The following CEP295NL variants were observed in gnomAD, a reference collection of about 807,000 sequenced individuals.
CEP295NL encodes the protein CEP295 N-terminal like.
Under a neutral mutation model 4.6 loss-of-function variants are expected in CEP295NL, and 3 were observed. The observed-to-expected ratio is 0.65, with a 90% confidence interval of 0.30 to 1.69. The LOEUF (loss-of-function observed/expected upper bound fraction) is 1.69, where lower values mean the gene tolerates loss of function less well. Ranked by LOEUF, CEP295NL falls within the 40% of genes most tolerant of loss-of-function variation. CEP295NL has a pLI of 0.10. For synonymous variants in CEP295NL, 295 were observed against 312.2 expected, an observed-to-expected ratio of 0.94 and a Z score of 0.58; for missense variants, 719 against 769.0, an observed-to-expected ratio of 0.93 and a Z score of 0.77.
Position 78,896,871 on chromosome 17 carries a change from C to A in CEP295NL, c.45-4412G>T, listed in dbSNP as rs1173480259. 1 of 972,372 alleles carries A rather than the reference C, an allele frequency of 1.0e-6. No homozygotes were observed. Among genetic ancestry groups the A allele is most frequent in the East Asian group, 1.1e-4 (1 of 8,738 alleles). The allele number at this position is 972,372 out of a possible 1,614,324, so 60.2% of individuals were successfully genotyped here. A position where few individuals can be genotyped will look rare whatever the true frequency, so the allele number is the denominator to read the frequency against. ...GAGCCAGCCCATGGCAGCTCCACCC[C>A]AGACCGATCCGATCCCAGCACCTGG... On this transcript the variant is annotated intron_variant, in intron 2 of 2. Coordinates refer to ENST00000322630, the MANE Select transcript of CEP295NL (RefSeq NM_001243540.2). This position sits in a 1 kb window ranked among gnomAD's most constrained non-coding sequence, Gnocchi z 4.4.
In CEP295NL at chr17:78,891,115, T is replaced by C. The variant is rs920743813; in HGVS notation, c.1389A>G (p.Ser463=). ...EAGIFINKED[S]LLYSTESGQE... is the part of the protein sequence containing the mutation. ...GTCCAGATTCAGTGCTATACAATAA[T>C]GAGTCCTCTTTGTTGATAAATATAC... The change falls in exon 3 of 3, where the codon TCA becomes TCG. Residue 463 remains serine, a synonymous_variant. Transcript: ENST00000322630. This position sits in a 1 kb window ranked among gnomAD's most constrained non-coding sequence, Gnocchi z 4.5. 2.6e-6 allele frequency: 4 copies of C among 1,550,676 alleles called. No individual in the cohort carries two copies. The highest frequency in any genetic ancestry group is 8.7e-7 in the Non-Finnish European group (1 of 1,147,036).
rs2069892008 is a variant in CEP295NL, at chr17:78,891,428, AG to A, written c.1075del (p.Leu359CysfsTer7). The A allele has an allele frequency of 1.3e-6, 2 of 1,550,886 alleles. No individual in the cohort carries two copies. The highest frequency in any genetic ancestry group is 3.9e-5 in the Admixed American group (2 of 51,010). On this transcript the variant is annotated frameshift_variant, in exon 3 of 3. Coordinates refer to ENST00000322630, the MANE Select transcript of CEP295NL (RefSeq NM_001243540.2). LOFTEE classifies it low-confidence loss of function (END_TRUNC). This position sits in a 1 kb window ranked among gnomAD's most constrained non-coding sequence, Gnocchi z 4.5. ...FNINRKLKKH[L>X]CLYLALKPRM... Reference sequence around the variant, plus strand: ...GGGCTTCAGTGCCAGGTACAAGCACAGGTGTTTTTTCAGCTTTCTGTTTATA... The same window carrying A: ...GGGCTTCAGTGCCAGGTACAAGCACAGTGTTTTTTCAGCTTTCTGTTTATA...
At chr17:78,895,525 T>C (rs1409827699) in intron 2 of CEP295NL, among the ~76,000 whole-genome samples, 3 of 152,164 alleles carry the variant, frequency 2.0e-5, no homozygotes, top group African/African-American at 7.2e-5. Flanking sequence ...CTGTGCACGC[T>C]GCTGGTGGGA....
At chr17:78,901,280 T>C (rs531914709) in intron 2 of CEP295NL, 1 of 156,900 alleles carries the variant, frequency 6.4e-6, no homozygotes, top group East Asian at 1.9e-4. Flanking sequence ...AATTTGATCA[T>C]GTCACGGGAT....
In CEP295NL at chr17:78,892,155, C is replaced by G. The variant is rs1335557495; in HGVS notation, c.349G>C (p.Gly117Arg). Residue 117 changes from glycine (G) to arginine (R), a missense_variant, in exon 3 of 3, where the codon GGG becomes CGG. Coordinates refer to ENST00000322630, the MANE Select transcript of CEP295NL (RefSeq NM_001243540.2). ...TGCAGGTGCTGTGCCTCCTGATACCCTCTCCTCAACTCCTCAGCCAAGCGC... is the reference window on the plus strand; with the variant it reads ...TGCAGGTGCTGTGCCTCCTGATACCGTCTCCTCAACTCCTCAGCCAAGCGC... Reference protein sequence around the residue: ...LQRLAEELRRGYQEAQHLHVG... With the variant: ...LQRLAEELRRRYQEAQHLHVG... The G allele has an allele frequency of 6.4e-7, 1 of 1,550,952 alleles. No individual in the cohort carries two copies. The highest frequency in any genetic ancestry group is 8.7e-7 in the Non-Finnish European group (1 of 1,147,112).
Position 78,891,053 on chromosome 17 carries a change from G to T in CEP295NL, c.1451C>A (p.Ser484Tyr). ...CTGGTCTTGAAGGTGGAGCTGAAGG[G>T]AGCCCTCTGCCAGCGTGCCCAGTTT... is the stretch of plus-strand genomic sequence containing the variant. ...TPKLGTLAEG[S>Y]LQLHLQDQAD... The change falls in exon 3 of 3, where the codon TCC (serine) becomes TAC (tyrosine). Residue 484 changes from serine to tyrosine, a missense_variant. By Grantham distance (144) the Ser-to-Tyr change is moderately radical (BLOSUM62 -2). Transcript: ENST00000322630. This position sits in a 1 kb window ranked among gnomAD's most constrained non-coding sequence, Gnocchi z 4.5. The T allele has an allele frequency of 6.4e-7, 1 of 1,551,082 alleles. No homozygotes were observed.
chr17:78,900,123 G>A (rs1161109254), intron 2 of CEP295NL: 1 of 152,134 alleles, frequency 6.6e-6, no homozygotes, highest in African/African-American at 2.4e-5. Context: ...AAAGAACAGA[G>A]GTCCCATAAA....
chr17:78,896,635 G>C lies in CEP295NL; in HGVS notation c.45-4176C>G, dbSNP rs138743130. ...TGCTGCCCTCTGGTCCTGCCACCCC[G>C]AGCTGACAAGCCTGCCTTCTGCTGG... On this transcript the variant is annotated intron_variant, in intron 2 of 2. Coordinates refer to ENST00000322630, the MANE Select transcript of CEP295NL (RefSeq NM_001243540.2). This position sits in a 1 kb window ranked among gnomAD's most constrained non-coding sequence, Gnocchi z 4.4. Among the ~76,000 whole-genome samples, 22 of 152,132 alleles carry C rather than the reference G, an allele frequency of 1.4e-4. No individual in the cohort carries two copies. In the East Asian group the frequency reaches 3.9e-3, roughly 27 times the overall value.
intron 2 of CEP295NL, among the ~76,000 whole-genome samples, chr17:78,894,924 G>C (rs2069975061): frequency 6.6e-6 from 1 of 152,166 alleles, no homozygotes; most frequent in Non-Finnish European, 1.5e-5. Context: ...CAGAAGACTT[G>C]AATCCAGAAC....
chr17:78,891,594 T>A lies in CEP295NL; in HGVS notation c.910A>T (p.Lys304Ter). Residue 304 changes from lysine to a stop codon, truncating the protein, a stop_gained, in exon 3 of 3, where the codon AAG becomes TAG. Transcript: ENST00000322630. LOFTEE classifies it low-confidence loss of function (END_TRUNC). The surrounding 1 kb of genome is among the most constrained non-coding windows in gnomAD (Gnocchi z 4.5). ...SRSQGQSLEG[K>*]LRDLGQLWPA... ...CACAGCTGCCCGAGGTCTCTCAGCT[T>A]CCCCTCCAGACTCTGTCCCTGAGAG... 1 of 1,550,828 alleles carries A rather than the reference T, an allele frequency of 6.4e-7. No individual in the cohort carries two copies. Among genetic ancestry groups the A allele is most frequent in the Non-Finnish European group, 8.7e-7 (1 of 1,147,044 alleles).
chr17:78,893,116 C>T (rs369357677), intron 2 of CEP295NL, among the ~76,000 whole-genome samples: 108 of 143,136 alleles, frequency 7.5e-4, no homozygotes, highest in East Asian at 4.4e-3. Flanking sequence ...TGTGCACATG[C>T]ACATGTGTGT....
rs1480821374 is a variant in CEP295NL, at chr17:78,895,173, C to T, written c.45-2714G>A. 3.9e-5 allele frequency among the ~76,000 whole-genome samples: 6 copies of T among 152,148 alleles called. No homozygotes were observed. In the South Asian group the frequency reaches 8.3e-4, roughly 21 times the overall value. ...GTACGCACCTATAATCCCAGCTACT[C>T]GGGAAGCTAAGGCAGGAGAATTGCT... On this transcript the variant is annotated intron_variant, in intron 2 of 2. Coordinates refer to ENST00000322630, the MANE Select transcript of CEP295NL (RefSeq NM_001243540.2).
At chr17:78,898,218 G>T (rs1288216886) in intron 2 of CEP295NL, 1 of 152,332 alleles carries the variant, frequency 6.6e-6, no homozygotes, top group East Asian at 1.9e-4. Flanking sequence ...CTCACCATAG[G>T]AGGTGAGGCC....
At chr17:78,901,473 C>T (rs957394306) in intron 2 of CEP295NL, among the ~76,000 whole-genome samples, 2 of 151,900 alleles carry the variant, frequency 1.3e-5, no homozygotes, top group Admixed American at 6.6e-5. Context: ...GAGAAGAGGC[C>T]GCAGGCTTGG....
chr17:78,892,538 G>A, intron 2 of CEP295NL, 79 bp from the exon 3 acceptor site: 6 of 1,469,160 alleles, frequency 4.1e-6, no homozygotes, highest in Non-Finnish European at 5.4e-6. Context: ...CAAGCACACG[G>A]GATTCTCACT....
intron 2 of CEP295NL, chr17:78,901,145 G>A (rs1324148451): frequency 6.5e-6 from 1 of 152,890 alleles, no homozygotes; most frequent in African/African-American, 2.4e-5. Flanking sequence ...GAGGGCTCAG[G>A]AAATGCCGAG....
chr17:78,897,392 G>C (rs2070019265), intron 2 of CEP295NL: 1 of 152,162 alleles, frequency 6.6e-6, no homozygotes, highest in Non-Finnish European at 1.5e-5. Flanking sequence ...GGGCCTGTGA[G>C]AGAGTGGCCG....
rs778595734 is a variant in CEP295NL at position 78,901,786 on chromosome 17, G to A, written c.43C>T (p.Gln15Ter). The change falls in exon 2 of 3, where the codon CAG (glutamine) becomes TAG (stop). Residue 15 changes from glutamine to a stop codon, truncating the protein, a stop_gained and splice_region_variant. Coordinates refer to ENST00000322630, the MANE Select transcript of CEP295NL (RefSeq NM_001243540.2). LOFTEE classifies it low-confidence loss of function (END_TRUNC). ...WSSSVIWRHT[Q>*]FAVERCGFCG... The stretch of plus-strand genomic sequence containing the variant: ...TTGGGGAAGAGGGGTGGTACTTACT[G>A]TGTGTGTCTCCAGATGACTGAGCTA... 2.8e-6 allele frequency: 2 copies of A among 717,168 alleles called. No individual in the cohort carries two copies. Among genetic ancestry groups the A allele is most frequent in the Non-Finnish European group, 5.2e-6 (2 of 385,072 alleles). 44.4% of individuals were successfully genotyped at this position (717,168 alleles called of 1,614,324 possible).
intron 2 of CEP295NL, chr17:78,897,957 G>A (rs778246014): frequency 3.3e-5 from 5 of 152,182 alleles, no homozygotes; most frequent in Non-Finnish European, 5.9e-5. Flanking sequence ...AATCACAGCT[G>A]GCTCCATCAT....
Sources: allele counts gnomAD v4.1 joint callset (sites outside exome capture counted in the v4.1 genomes callset), GRCh38; gene constraint gnomAD v4.1.1; non-coding constraint Gnocchi (gnomAD v3.1); transcripts MANE v1.5; gene names NCBI Gene and HGNC (gene_info 2026-07-23, HGNC 2026-07-21).